Variants in VSTM1 observed in about 807,000 individuals in gnomAD.
The protein encoded by VSTM1 is V-set and transmembrane domain-containing protein 1.
A neutral mutation model predicts 33.1 loss-of-function variants in VSTM1; 27 were observed. That is an observed-to-expected ratio of 0.82 (90% CI 0.60 to 1.12). VSTM1 has a LOEUF of 1.12. Ranked by LOEUF, VSTM1 falls within the 50% of genes most tolerant of loss-of-function variation. The pLI is 0.00. For synonymous variants in VSTM1, 115 were observed against 110.3 expected (o/e 1.04, Z -0.27); for missense variants, 304 against 288.9 (o/e 1.05, Z -0.38).
intron 3 of VSTM1, among the ~76,000 whole-genome samples, chr19:54,056,359 G>T (rs1469640289): frequency 7.4e-6 from 1 of 135,550 alleles, no homozygotes; most frequent in Non-Finnish European, 1.6e-5. Context: ...GTAGCTGAAA[G>T]CACAGGTGCA....
chr19:54,048,354 G>A (rs763369088), intron 4 of VSTM1: 13 of 395,612 alleles, frequency 3.3e-5, no homozygotes, highest in South Asian at 2.1e-4. Context: ...GGGCTCAAGT[G>A]ATCCTCCTGC....
intron 4 of VSTM1, among the ~76,000 whole-genome samples, chr19:54,047,888 A>T (rs1465028312): frequency 6.6e-6 from 1 of 152,226 alleles, no homozygotes; most frequent in Non-Finnish European, 1.5e-5. Flanking sequence ...AAATTGCCAG[A>T]ATAAATCATA....
intron 3 of VSTM1, among the ~76,000 whole-genome samples, chr19:54,053,746 G>A (rs1226171390): frequency 7.0e-6 from 1 of 142,240 alleles, no homozygotes; most frequent in Admixed American, 7.2e-5. Flanking sequence ...ATAATAAATA[G>A]GTGTTTCAGG....
At chr19:54,054,935 A>G (rs1227249063) in intron 3 of VSTM1, among the ~76,000 whole-genome samples, 2 of 101,502 alleles carry the variant, frequency 2.0e-5, no homozygotes, top group Admixed American at 1.2e-4. Context: ...ATGAGTGGGT[A>G]GGAGGGTGGA....
At position 54,042,837 on chromosome 19, in the gene VSTM1, T is replaced by TATATAC. The variant is rs1320221580; in HGVS notation, c.395-469_395-468insGTATAT. ...ATATATATATATATATATATATATA[T>TATATAC]ACATATATATATATATATACACACT... is the stretch of plus-strand genomic sequence containing the variant. On this transcript the variant is annotated intron_variant, in intron 4 of 8. Transcript: ENST00000338372. Among the ~76,000 whole-genome samples the TATATAC allele has an allele frequency of 9.0e-3, 595 of 66,344 alleles. 4 individuals are homozygous for TATATAC. Among genetic ancestry groups the TATATAC allele is most frequent in the South Asian group, 0.02 (51 of 2,490 alleles). The allele number at this position is 66,344 out of a possible 152,430, so 43.5% of individuals were successfully genotyped here. A position where few individuals can be genotyped will look rare whatever the true frequency, so the allele number is the denominator to read the frequency against.
At chr19:54,042,784 ATGTG>A (rs1402987138) in intron 4 of VSTM1, among the ~76,000 whole-genome samples, 1 of 134,498 alleles carries the variant, frequency 7.4e-6, no homozygotes, top group African/African-American at 2.7e-5. Flanking sequence ...ATGTATATAT[ATGTG>A]TGTGTATATA....
chr19:54,052,364 C>T (rs568218221), intron 3 of VSTM1, among the ~76,000 whole-genome samples: 1 of 141,254 alleles, frequency 7.1e-6, no homozygotes, highest in Non-Finnish European at 1.6e-5. Context: ...CGCCACTGCA[C>T]TCCAGCCTGA....
rs572514056 is a variant in VSTM1, at chr19:54,054,284, C to T, written c.356-2836G>A. On this transcript the variant is annotated intron_variant, in intron 3 of 8. Coordinates refer to ENST00000338372, the MANE Select transcript of VSTM1 (RefSeq NM_198481.4). ...ATAATTGGGAAATGGCAAATAATCG[C>T]GAGGCTTTTAGGGCTAAAGTGTGGG... Among the ~76,000 whole-genome samples, 62 of 141,798 alleles carry T rather than the reference C, an allele frequency of 4.4e-4. 11 individuals carry two copies. Among genetic ancestry groups the T allele is most frequent in the African/African-American group, 1.5e-3 (56 of 38,546 alleles). 93.0% of individuals were successfully genotyped at this position (141,798 alleles called of 152,430 possible). A position where few individuals can be genotyped will look rare whatever the true frequency, so the allele number is the denominator to read the frequency against.
At chr19:54,061,741 G>C (rs866687283) in intron 1 of VSTM1, among the ~76,000 whole-genome samples, 7 of 152,098 alleles carry the variant, frequency 4.6e-5, no homozygotes, top group Non-Finnish European at 1.5e-5. Flanking sequence ...TTGAGCTCAG[G>C]AGGTTGAGGC....
intron 1 of VSTM1, among the ~76,000 whole-genome samples, chr19:54,063,144 C>G (rs2071478473): frequency 2.0e-5 from 3 of 152,024 alleles, no homozygotes; most frequent in African/African-American, 7.2e-5. Flanking sequence ...TCGAGACCAG[C>G]CTGACCAACA....
chr19:54,061,337 G>A (rs1344367801), intron 1 of VSTM1, among the ~76,000 whole-genome samples: 2 of 152,072 alleles, frequency 1.3e-5, no homozygotes, highest in Non-Finnish European at 2.9e-5. Flanking sequence ...TTCTTGAAAA[G>A]AGAAGTTCAA....
At chr19:54,060,314 C>T (rs189267254) in intron 1 of VSTM1, among the ~76,000 whole-genome samples, 1 of 152,262 alleles carries the variant, frequency 6.6e-6, no homozygotes, top group African/African-American at 2.4e-5. Context: ...GGGAAGGTAG[C>T]GTCTTAAACT....
chr19:54,041,860 A>C lies in VSTM1; in HGVS notation c.554-44T>G, dbSNP rs778832464. ...AAAAAAATCAGTTCTCAGCTGCAGA[A>C]GTCAGAACTTAGTCTTTCTATCCGG... is the stretch of plus-strand genomic sequence containing the variant. On this transcript the variant is annotated intron_variant, in intron 7 of 8. Coordinates refer to ENST00000338372, the MANE Select transcript of VSTM1 (RefSeq NM_198481.4). 9 of 1,613,882 alleles carry C rather than the reference A, an allele frequency of 5.6e-6. No homozygotes were observed. The South Asian group carries it at 7.7e-5, about 14-fold the overall frequency.
At chr19:54,057,482 T>A (rs1309229123) in intron 3 of VSTM1, among the ~76,000 whole-genome samples, 1 of 149,984 alleles carries the variant, frequency 6.7e-6, no homozygotes, top group Non-Finnish European at 1.5e-5. Flanking sequence ...GCCACTGCAC[T>A]CCTGCCTGGG....
At position 54,054,175 on chromosome 19, in the gene VSTM1, T is replaced by C. The variant is rs2146103894; in HGVS notation, c.356-2727A>G. 2.1e-5 allele frequency among the ~76,000 whole-genome samples: 3 copies of C among 142,558 alleles called. No individual in the cohort carries two copies. In the Admixed American group the frequency reaches 2.2e-4, roughly 10 times the overall value. 93.5% of individuals were successfully genotyped at this position (142,558 alleles called of 152,430 possible). ...TGGAAAATCAACCACTGGAAATTGA[T>C]ACTATAGCCTGTCTTGTGATGTAAT... is the stretch of plus-strand genomic sequence containing the variant. On this transcript the variant is annotated intron_variant, in intron 3 of 8. Coordinates refer to ENST00000338372, the MANE Select transcript of VSTM1 (RefSeq NM_198481.4).
chr19:54,041,887 G>T (rs747247321), intron 7 of VSTM1, 29 bp downstream of exon 7: 1 of 1,614,086 alleles, frequency 6.2e-7, no homozygotes, highest in Non-Finnish European at 8.5e-7. Context: ...TCTATCCGGT[G>T]ATTCCCTTAA....
At chr19:54,055,668 G>C (rs992142617) in intron 3 of VSTM1, 1 of 142,400 alleles carries the variant, frequency 7.0e-6, no homozygotes, top group Non-Finnish European at 1.6e-5. Flanking sequence ...AATGGTTCTG[G>C]GATCCCCATT....
At chr19:54,062,150 G>A (rs559644611) in intron 1 of VSTM1, among the ~76,000 whole-genome samples, 56 of 130,682 alleles carry the variant, frequency 4.3e-4, no homozygotes, top group African/African-American at 1.4e-3. Context: ...GCAAGACTCC[G>A]CCTCAAGAAA....
chr19:54,042,273 T>C lies in VSTM1; in HGVS notation c.487+4A>G. ...CTCTCTCCCTTTGCGTTCTCTGAGC[T>C]CACTGTGCTGGCTGCATCTGTAGAT... is the stretch of plus-strand genomic sequence containing the variant. On this transcript the variant is annotated splice_donor_region_variant and intron_variant, in intron 5 of 8. Coordinates refer to ENST00000338372, the MANE Select transcript of VSTM1 (RefSeq NM_198481.4). 6.2e-7 allele frequency: 1 copy of C among 1,613,630 alleles called. No individual in the cohort carries two copies. The highest frequency in any genetic ancestry group is 8.5e-7 in the Non-Finnish European group (1 of 1,179,930).
Sources: allele counts gnomAD v4.1 joint callset (sites outside exome capture counted in the v4.1 genomes callset), GRCh38; gene constraint gnomAD v4.1.1; transcripts MANE v1.5; gene names NCBI Gene and HGNC (gene_info 2026-07-23, HGNC 2026-07-21).